MYT1L: variants seen among roughly 807,000 people sequenced by gnomAD.
The protein encoded by MYT1L is myelin transcription factor 1 like.
A neutral mutation model predicts 126.7 loss-of-function variants in MYT1L; 12 were observed. The observed-to-expected ratio is 0.09, with a 90% CI of 0.06 to 0.15. The LOEUF (loss-of-function observed/expected upper bound fraction) is 0.15. MYT1L is among the 10% of genes least tolerant of loss of function. The probability of loss-of-function intolerance (pLI) is 1.00; values close to 1 mark genes in which losing one functional copy is unlikely to be tolerated. For missense variants in MYT1L, 979 were observed against 1,585.2 expected (o/e 0.62, Z 6.49); for synonymous variants, 541 against 604.2 (o/e 0.90, Z 1.53).
intron 3 of MYT1L, among the ~76,000 whole-genome samples, chr2:2,082,659 T>C (rs1363295849): frequency 6.6e-6 from 1 of 152,128 alleles, no homozygotes; most frequent in Non-Finnish European, 1.5e-5. Context: ...GTTCCAGGAG[T>C]AATGCACTGG....
At chr2:1,792,563 C>CTT in intron 23 of MYT1L, 99 bp from the exon 24 acceptor site, 1 of 1,314,246 alleles carries the variant, frequency 7.6e-7, no homozygotes, top group Non-Finnish European at 1.0e-6. Context: ...AAGAAGGGGC[C>CTT]TCTCGCTGAA....
At chr2:1,888,724 T>G (rs1410136217) in intron 16 of MYT1L, among the ~76,000 whole-genome samples, 1 of 152,256 alleles carries the variant, frequency 6.6e-6, no homozygotes, top group African/African-American at 2.4e-5. Flanking sequence ...GTTTTAGTAA[T>G]ACTGTCATAA....
chr2:1,857,789 T>C lies in MYT1L; in HGVS notation c.2712-6086A>G, dbSNP rs542175708. 3.3e-5 allele frequency among the ~76,000 whole-genome samples: 5 copies of C among 152,238 alleles called. No individual in the cohort carries two copies. The South Asian group carries it at 1.0e-3, about 32-fold the overall frequency. ...AACTTGTTTTTCACCTAAACAGATC[T>C]GGTTCTAAAAATATGTATTGCTCCG... On this transcript the variant is annotated intron_variant, in intron 18 of 24. Transcript: ENST00000647738.
chr2:2,277,024 C>G (rs1217213750), intron 2 of MYT1L, among the ~76,000 whole-genome samples: 4 of 151,964 alleles, frequency 2.6e-5, no homozygotes, highest in Non-Finnish European at 4.4e-5. Flanking sequence ...CTCTGTTGGC[C>G]AGGCTGGAGT....
At chr2:2,165,877 TA>T (rs2089004061) in intron 3 of MYT1L, among the ~76,000 whole-genome samples, 1 of 150,608 alleles carries the variant, frequency 6.6e-6, no homozygotes, top group Non-Finnish European at 1.5e-5. Context: ...TTGTAAATAA[TA>T]AAATCTTTTA....
At position 1,793,406 on chromosome 2, in the gene MYT1L, G is replaced by A. The variant is rs902120243; in HGVS notation, c.3277-942C>T. Among the ~76,000 whole-genome samples the A allele has an allele frequency of 1.3e-5, 2 of 152,170 alleles. No homozygotes were observed. Among genetic ancestry groups the A allele is most frequent in the Admixed American group, 6.5e-5 (1 of 15,284 alleles). Reference sequence around the variant, plus strand: ...CGTGCATGATCTGGGGCTTCTTCCTGGAAGACCGGGCCGACCCGCAGAGTC... The same window carrying A: ...CGTGCATGATCTGGGGCTTCTTCCTAGAAGACCGGGCCGACCCGCAGAGTC... On this transcript the variant is annotated intron_variant, in intron 23 of 24. Coordinates refer to ENST00000647738, the MANE Select transcript of MYT1L (RefSeq NM_001303052.2). The surrounding 1 kb of genome is among the most constrained non-coding windows in gnomAD (Gnocchi z 4.6).
chr2:1,905,199 A>G (rs569398957), intron 13 of MYT1L, among the ~76,000 whole-genome samples: 18 of 152,296 alleles, frequency 1.2e-4, no homozygotes, highest in Admixed American at 2.6e-4. Context: ...AGCTAACAAA[A>G]TATTGAATTT....
Position 1,789,285 on chromosome 2 carries a change from C to T in MYT1L, c.*2582G>A, listed in dbSNP as rs1235878703. On this transcript the variant is annotated 3_prime_UTR_variant, in exon 25 of 25. Coordinates refer to ENST00000647738, the MANE Select transcript of MYT1L (RefSeq NM_001303052.2). ...AATTAAAGTGTCAACAAACCCATGC[C>T]GTGTAGTACAAAAATAAATCAAACT... is the stretch of plus-strand genomic sequence containing the variant. 5 of 152,124 alleles carry T rather than the reference C, an allele frequency of 3.3e-5. No homozygotes were observed. The highest frequency in any genetic ancestry group is 4.8e-5 in the African/African-American group (2 of 41,424). The allele number at this position is 152,124 out of a possible 1,614,324, so 9.4% of individuals were successfully genotyped here. A position where few individuals can be genotyped will look rare whatever the true frequency, so the allele number is the denominator to read the frequency against.
intron 3 of MYT1L, among the ~76,000 whole-genome samples, chr2:2,093,336 C>A (rs2077089444): frequency 6.6e-6 from 1 of 150,492 alleles, no homozygotes; most frequent in Admixed American, 6.6e-5. Context: ...GCTTTTTTTA[C>A]TCTTAGGCTG....
In MYT1L at chr2:1,899,093, C is replaced by T. The variant is rs535713234; in HGVS notation, c.2032+3987G>A. 9.2e-5 allele frequency among the ~76,000 whole-genome samples: 14 copies of T among 151,830 alleles called. No individual in the cohort carries two copies. The South Asian group carries it at 2.7e-3, about 29-fold the overall frequency. ...CTGGTAACCTGACAGGATTAGGCCC[C>T]CAAGGGTGGGGTGTGTTGCCTGGAG... On this transcript the variant is annotated intron_variant, in intron 14 of 24. Coordinates refer to ENST00000647738, the MANE Select transcript of MYT1L (RefSeq NM_001303052.2).
intron 4 of MYT1L, among the ~76,000 whole-genome samples, chr2:2,036,617 A>G (rs74369683): frequency 0.026 from 3,942 of 152,298 alleles, 162 homozygotes; most frequent in African/African-American, 0.086. Context: ...AGTCCCCCAT[A>G]TCACTGAGTC....
At position 2,228,402 on chromosome 2, in the gene MYT1L, T is replaced by C. The variant is rs2094072137; in HGVS notation, c.-420-55414A>G. Among the ~76,000 whole-genome samples, 2 of 152,230 alleles carry C rather than the reference T, an allele frequency of 1.3e-5. No homozygotes were observed. The highest frequency in any genetic ancestry group is 4.8e-5 in the African/African-American group (2 of 41,466). ...TACCATTGTGTTAGATTTTGAATAC[T>C]GTAGTGAATGAATGTCTTATCCAAA... On this transcript the variant is annotated intron_variant, in intron 2 of 24. Coordinates refer to ENST00000647738, the MANE Select transcript of MYT1L (RefSeq NM_001303052.2). The surrounding 1 kb of genome is among the most constrained non-coding windows in gnomAD (Gnocchi z 5.9).
At chr2:2,120,622 T>G (rs2080863286) in intron 3 of MYT1L, among the ~76,000 whole-genome samples, 1 of 152,060 alleles carries the variant, frequency 6.6e-6, no homozygotes. Context: ...AGGGGAGTCA[T>G]GCTCTTACAA....
At chr2:2,185,682 A>C (rs1376824585) in intron 2 of MYT1L, among the ~76,000 whole-genome samples, 1 of 126,414 alleles carries the variant, frequency 7.9e-6, no homozygotes, top group East Asian at 2.4e-4. Context: ...CGTGAGGGGG[A>C]CGCAGCCGGG....
At chr2:1,841,231 T>C (rs1247705482) in intron 19 of MYT1L, 2 of 100,548 alleles carry the variant, frequency 2.0e-5, no homozygotes, top group Non-Finnish European at 3.5e-5. Flanking sequence ...TGGTGCGATC[T>C]CAGCTCACTG....
At chr2:1,836,670 C>A (rs149272032) in intron 21 of MYT1L, among the ~76,000 whole-genome samples, 1 of 151,766 alleles carries the variant, frequency 6.6e-6, no homozygotes, top group Non-Finnish European at 1.5e-5. Flanking sequence ...AGCCTGTACC[C>A]CAAGATTCCA....
intron 4 of MYT1L, among the ~76,000 whole-genome samples, chr2:2,045,836 C>T (rs545835357): frequency 7.5e-4 from 114 of 152,282 alleles, no homozygotes; most frequent in Non-Finnish European, 1.3e-3. Context: ...TTCCAAGGGC[C>T]TGGTGTCCCT....
At chr2:2,248,949 A>G (rs867368861) in intron 2 of MYT1L, among the ~76,000 whole-genome samples, 2 of 152,168 alleles carry the variant, frequency 1.3e-5, no homozygotes, top group Non-Finnish European at 2.9e-5. Context: ...TTTCTCTTAG[A>G]TCTGAACATG....
chr2:2,109,916 T>A (rs2079216624), intron 3 of MYT1L, among the ~76,000 whole-genome samples: 1 of 126,176 alleles, frequency 7.9e-6, no homozygotes, highest in South Asian at 2.6e-4. Context: ...TATATATATA[T>A]ATATATATCC....
Sources: allele counts gnomAD v4.1 joint callset (sites outside exome capture counted in the v4.1 genomes callset), GRCh38; gene constraint gnomAD v4.1.1; non-coding constraint Gnocchi (gnomAD v3.1); transcripts MANE v1.5; gene names NCBI Gene and HGNC (gene_info 2026-07-23, HGNC 2026-07-21).